CHRM3: variants seen among roughly 807,000 people sequenced by gnomAD.
CHRM3 encodes muscarinic acetylcholine receptor M3.
CHRM3 carries 11 observed loss-of-function variants against 41.8 expected under a neutral mutation model. The observed-to-expected ratio is 0.26, with a 90% CI of 0.17 to 0.44. The LOEUF is 0.44. Ranked by LOEUF, CHRM3 falls within the 20% of genes least tolerant of loss-of-function variation. The pLI is 1.00. For missense variants in CHRM3, 571 were observed against 745.4 expected, an observed-to-expected ratio of 0.77 and a Z score of 2.72; for synonymous variants, 297 against 301.4, an observed-to-expected ratio of 0.99 and a Z score of 0.15.
chr1:239,888,534 G>A (rs1000861308), intron 6 of CHRM3, among the ~76,000 whole-genome samples: 3 of 151,410 alleles, frequency 2.0e-5, no homozygotes, highest in African/African-American at 7.3e-5. Context: ...GGAGGTTGAG[G>A]TTGCAGTGAG....
chr1:239,840,472 T>G (rs528745831), intron 6 of CHRM3, among the ~76,000 whole-genome samples: 96 of 152,268 alleles, frequency 6.3e-4, no homozygotes, highest in Non-Finnish European at 1.2e-3. Context: ...TGGAAGGAAG[T>G]GACAGATAAT....
intron 1 of CHRM3, among the ~76,000 whole-genome samples, chr1:239,485,816 G>A (rs1378825480): frequency 6.6e-6 from 1 of 152,108 alleles, no homozygotes; most frequent in African/African-American, 2.4e-5. Flanking sequence ...GTCAACACTA[G>A]AAGATTGCTC....
intron 1 of CHRM3, among the ~76,000 whole-genome samples, chr1:239,448,396 G>T (rs939216788): frequency 2.0e-5 from 3 of 152,082 alleles, no homozygotes; most frequent in Non-Finnish European, 4.4e-5. Flanking sequence ...AGTAGCATGT[G>T]CATATTAAAT....
chr1:239,644,339 C>T (rs1671538861), intron 4 of CHRM3, among the ~76,000 whole-genome samples: 1 of 152,106 alleles, frequency 6.6e-6, no homozygotes, highest in East Asian at 1.9e-4. Context: ...CATTTCCCAC[C>T]CACCCGTCTT....
chr1:239,469,088 T>C (rs781761874), intron 1 of CHRM3, among the ~76,000 whole-genome samples: 1 of 152,202 alleles, frequency 6.6e-6, no homozygotes, highest in Non-Finnish European at 1.5e-5. Context: ...ATGCCCGAGT[T>C]CTAGTCTATA....
intron 5 of CHRM3, among the ~76,000 whole-genome samples, chr1:239,717,107 A>T (rs1006670527): frequency 5.9e-5 from 9 of 152,078 alleles, no homozygotes; most frequent in African/African-American, 2.2e-4. Context: ...AAAAGTTCAA[A>T]TGTAAGATCT....
intron 4 of CHRM3, among the ~76,000 whole-genome samples, chr1:239,676,587 ACTT>A (rs1199586324): frequency 4.6e-5 from 7 of 152,124 alleles, no homozygotes. Flanking sequence ...GCCACACTTA[ACTT>A]CTTCAAGAAC....
intron 1 of CHRM3, among the ~76,000 whole-genome samples, chr1:239,462,115 T>C (rs1293001076): frequency 6.6e-6 from 1 of 152,214 alleles, no homozygotes; most frequent in African/African-American, 2.4e-5. Flanking sequence ...ATTGTAATTT[T>C]TTATCTTTTT....
intron 5 of CHRM3, among the ~76,000 whole-genome samples, chr1:239,771,330 T>C (rs951726937): frequency 2.6e-5 from 4 of 152,106 alleles, no homozygotes; most frequent in Admixed American, 2.0e-4. Flanking sequence ...TGCCCTGGAT[T>C]ATTGGAATAG....
intron 6 of CHRM3, among the ~76,000 whole-genome samples, chr1:239,870,197 G>A (rs1676455719): frequency 6.6e-6 from 1 of 152,144 alleles, no homozygotes; most frequent in Admixed American, 6.5e-5. Flanking sequence ...GGCATTTTAT[G>A]CAATGCTGAC....
At chr1:239,662,022 A>C (rs550054557) in intron 4 of CHRM3, among the ~76,000 whole-genome samples, 1 of 152,180 alleles carries the variant, frequency 6.6e-6, no homozygotes, top group South Asian at 2.1e-4. Flanking sequence ...ATTAAAAAAA[A>C]CAGAATAGAA....
chr1:239,653,630 T>G (rs2148978723), intron 4 of CHRM3, among the ~76,000 whole-genome samples: 1 of 152,334 alleles, frequency 6.6e-6, no homozygotes, highest in Non-Finnish European at 1.5e-5. Context: ...AAGGGCTCGT[T>G]TAGCATTCTG....
chr1:239,588,093 TA>T (rs1663612191), intron 3 of CHRM3, among the ~76,000 whole-genome samples: 1 of 152,234 alleles, frequency 6.6e-6, no homozygotes, highest in Non-Finnish European at 1.5e-5. Flanking sequence ...AAATACTGCA[TA>T]AAAACTTTTG....
intron 1 of CHRM3, among the ~76,000 whole-genome samples, chr1:239,482,115 G>A (rs1666895565): frequency 6.6e-6 from 1 of 151,226 alleles, no homozygotes; most frequent in Non-Finnish European, 1.5e-5. Flanking sequence ...CTATGTTCTT[G>A]CTCAACTTCT....
chr1:239,638,452 A>C (rs2148904325), intron 4 of CHRM3, among the ~76,000 whole-genome samples: 1 of 152,228 alleles, frequency 6.6e-6, no homozygotes, highest in African/African-American at 2.4e-5. Flanking sequence ...AATGATTGCC[A>C]TTCTAACTGG....
At chr1:239,873,661 C>T (rs1303896035) in intron 6 of CHRM3, among the ~76,000 whole-genome samples, 2 of 152,142 alleles carry the variant, frequency 1.3e-5, no homozygotes, top group Non-Finnish European at 2.9e-5. Context: ...TAGCAGATCT[C>T]TTGTTATTTT....
At chr1:239,543,755 A>T (rs1289235443) in intron 2 of CHRM3, among the ~76,000 whole-genome samples, 1 of 151,852 alleles carries the variant, frequency 6.6e-6, no homozygotes, top group Non-Finnish European at 1.5e-5. Flanking sequence ...TGATCCGCCC[A>T]CCTCGGCCTC....
At chr1:239,415,943 T>A (rs1486348836) in intron 1 of CHRM3, among the ~76,000 whole-genome samples, 1 of 152,178 alleles carries the variant, frequency 6.6e-6, no homozygotes, top group Non-Finnish European at 1.5e-5. Flanking sequence ...ATTTTCTTAC[T>A]CGGTAAAAAT....
At chr1:239,545,903 T>C (rs776261951) in intron 3 of CHRM3, 154 bp downstream of exon 3, 3 of 152,172 alleles carry the variant, frequency 2.0e-5, no homozygotes. Context: ...TATCAACCAA[T>C]TGTAAAATGA....
Sources: allele counts gnomAD v4.1 joint callset (sites outside exome capture counted in the v4.1 genomes callset), GRCh38; gene constraint gnomAD v4.1.1; transcripts MANE v1.5; gene names NCBI Gene and HGNC (gene_info 2026-07-23, HGNC 2026-07-21).